USP6NL: variants seen among roughly 807,000 people sequenced by gnomAD.
USP6NL encodes the protein USP6 N-terminal-like protein.
USP6NL carries 26 observed loss-of-function variants against 61.9 expected under a neutral mutation model. The ratio of observed to expected loss-of-function variants is 0.42; its 90% CI spans 0.31 to 0.58. USP6NL has a LOEUF of 0.58. Among genes scored for constraint, USP6NL ranks in the 20% least tolerant of loss-of-function variants. USP6NL has a pLI of 0.16. For missense variants in USP6NL, 1,114 were observed against 1,034.3 expected (o/e 1.08, Z -1.06); for synonymous variants, 432 against 390.1 (o/e 1.11, Z -1.27).
rs1225989945 is a variant in USP6NL, at chr10:11,478,994, T to C, written c.1078+2776A>G. Among the ~76,000 whole-genome samples, 1 of 151,774 alleles carries C rather than the reference T, an allele frequency of 6.6e-6. No individual in the cohort carries two copies. The highest frequency in any genetic ancestry group is 6.6e-5 in the Admixed American group (1 of 15,224). On this transcript the variant is annotated intron_variant, in intron 14 of 14. Transcript: ENST00000609104. The surrounding 1 kb of genome is among the most constrained non-coding windows in gnomAD (Gnocchi z 6.8). The stretch of plus-strand genomic sequence containing the variant: ...ATGTAATAAATGCCACTAATCCACA[T>C]GACTAATGGTTTGGAAAATAAGCAG...
At chr10:11,545,272 T>C (rs1332909661) in intron 2 of USP6NL, among the ~76,000 whole-genome samples, 1 of 151,900 alleles carries the variant, frequency 6.6e-6, no homozygotes, top group Non-Finnish European at 1.5e-5. Context: ...GCCAGGAGGA[T>C]TTGGGGTAAG....
chr10:11,526,868 T>C lies in USP6NL; in HGVS notation c.72+632A>G, dbSNP rs544562865. On this transcript the variant is annotated intron_variant, in intron 3 of 14. Transcript: ENST00000609104. ...AACAGATTCCATACCAACATAAGGA[T>C]AAAACGTTAATGGAAATTATACACA... Among the ~76,000 whole-genome samples, 83 of 152,262 alleles carry C rather than the reference T, an allele frequency of 5.5e-4. 1 individual carries two copies. In the South Asian group the frequency reaches 0.016, roughly 29 times the overall value.
chr10:11,520,861 A>G lies in USP6NL; in HGVS notation c.156-2287T>C, dbSNP rs1419753530. On this transcript the variant is annotated intron_variant, in intron 4 of 14. Transcript: ENST00000609104. The surrounding 1 kb of genome is among the most constrained non-coding windows in gnomAD (Gnocchi z 5.2). ...AAAGATCCTTCATATCTGGCTCTTT[A>G]GAGAAAATGTTTGCCAAACCCTGCT... 6.6e-6 allele frequency among the ~76,000 whole-genome samples: 1 copy of G among 152,208 alleles called. No individual in the cohort carries two copies. The highest frequency in any genetic ancestry group is 6.5e-5 in the Admixed American group (1 of 15,272).
chr10:11,597,736 G>A lies in USP6NL; in HGVS notation c.-83-19C>T. ...ACATGTCCTAGTCAGGAAACAAAGA[G>A]AAAGAAATAGTATTTTCTAGAGGTC... On this transcript the variant is annotated intron_variant, in intron 1 of 14. Transcript: ENST00000609104. This position sits in a 1 kb window ranked among gnomAD's most constrained non-coding sequence, Gnocchi z 4.6. The A allele has an allele frequency of 1.1e-6, 1 of 870,154 alleles. No individual in the cohort carries two copies. The highest frequency in any genetic ancestry group is 2.7e-5 in the East Asian group (1 of 36,822). 53.9% of individuals were successfully genotyped at this position (870,154 alleles called of 1,614,324 possible).
Position 11,553,052 on chromosome 10 carries a change from A to G in USP6NL, c.5-25485T>C, listed in dbSNP as rs150963929. On this transcript the variant is annotated intron_variant, in intron 2 of 14. Coordinates refer to ENST00000609104, the MANE Select transcript of USP6NL (RefSeq NM_014688.5). This position sits in a 1 kb window ranked among gnomAD's most constrained non-coding sequence, Gnocchi z 4.8. ...TGTACCCATTGTTTCGCTCCTACTT[A>G]TAAGTGAGAACACTGGCATCATTTT... is the stretch of plus-strand genomic sequence containing the variant. Among the ~76,000 whole-genome samples the G allele has an allele frequency of 1.4e-3, 210 of 152,270 alleles. No individual in the cohort carries two copies. The highest frequency in any genetic ancestry group is 2.3e-3 in the Non-Finnish European group (159 of 68,022).
rs192980926 is a variant in USP6NL at position 11,575,654 on chromosome 10, G to C, written c.4+21977C>G. On this transcript the variant is annotated intron_variant, in intron 2 of 14. Coordinates refer to ENST00000609104, the MANE Select transcript of USP6NL (RefSeq NM_014688.5). This position sits in a 1 kb window ranked among gnomAD's most constrained non-coding sequence, Gnocchi z 4.2. Reference sequence around the variant, plus strand: ...ACATAGCAATCACTTTGAACACATTGGTTCACTACTGTCAATGCTTAGCTT... The same window carrying C: ...ACATAGCAATCACTTTGAACACATTCGTTCACTACTGTCAATGCTTAGCTT... Among the ~76,000 whole-genome samples the C allele has an allele frequency of 7.9e-5, 12 of 152,244 alleles. No individual in the cohort carries two copies. Among genetic ancestry groups the C allele is most frequent in the African/African-American group, 2.9e-4 (12 of 41,548 alleles).
chr10:11,521,185 A>G (rs11257148), intron 4 of USP6NL, among the ~76,000 whole-genome samples: 17,168 of 151,860 alleles, frequency 0.11, 1,281 homozygotes, highest in East Asian at 0.16. Context: ...TAAGTTGACT[A>G]TATTGACTAA....
At chr10:11,515,661 A>G (rs1212051533) in intron 5 of USP6NL, among the ~76,000 whole-genome samples, 2 of 152,216 alleles carry the variant, frequency 1.3e-5, no homozygotes, top group African/African-American at 4.8e-5. Context: ...GGTAACCGGA[A>G]GTATTCTGTG....
At chr10:11,607,070 T>A (rs1838729869) in intron 1 of USP6NL, among the ~76,000 whole-genome samples, 1 of 152,116 alleles carries the variant, frequency 6.6e-6, no homozygotes, top group African/African-American at 2.4e-5. Flanking sequence ...CTTATAGGAG[T>A]GAGCTATCAC....
intron 2 of USP6NL, among the ~76,000 whole-genome samples, chr10:11,543,327 G>C (rs905606602): frequency 1.3e-5 from 2 of 152,176 alleles, no homozygotes; most frequent in Admixed American, 1.3e-4. Flanking sequence ...GGATCACAAG[G>C]TCAGGAGATC....
intron 2 of USP6NL, among the ~76,000 whole-genome samples, chr10:11,582,560 A>G (rs1403984313): frequency 6.6e-6 from 1 of 152,208 alleles, no homozygotes; most frequent in African/African-American, 2.4e-5. Context: ...GAGCCACAGA[A>G]TATGTGTTTA....
chr10:11,582,896 A>G (rs1837831478), intron 2 of USP6NL, among the ~76,000 whole-genome samples: 1 of 150,604 alleles, frequency 6.6e-6, no homozygotes, highest in Admixed American at 6.6e-5. Context: ...TCTAAAGGCA[A>G]TAAAATCCTG....
rs1027170665 is a variant in USP6NL at position 11,499,741 on chromosome 10, G to A, written c.384+1360C>T. Among the ~76,000 whole-genome samples, 3 of 152,238 alleles carry A rather than the reference G, an allele frequency of 2.0e-5. No homozygotes were observed. The highest frequency in any genetic ancestry group is 7.2e-5 in the African/African-American group (3 of 41,460). ...GGAAGATGCCTCCCTAGAGCCCTGA[G>A]AGAAAGTGTTGTCCTGCTGACACCT... On this transcript the variant is annotated intron_variant, in intron 7 of 14. Coordinates refer to ENST00000609104, the MANE Select transcript of USP6NL (RefSeq NM_014688.5). This position sits in a 1 kb window ranked among gnomAD's most constrained non-coding sequence, Gnocchi z 4.5.
chr10:11,516,636 G>A (rs1834969173), intron 5 of USP6NL, among the ~76,000 whole-genome samples: 1 of 152,084 alleles, frequency 6.6e-6, no homozygotes, highest in South Asian at 2.1e-4. Flanking sequence ...CGTAAAAAAG[G>A]CCTTAGGGAA....
At chr10:11,486,898 G>A (rs543982954) in intron 10 of USP6NL, among the ~76,000 whole-genome samples, 1 of 152,018 alleles carries the variant, frequency 6.6e-6, no homozygotes, top group Non-Finnish European at 1.5e-5. Flanking sequence ...AAAAACCTGA[G>A]GCACATGCTA....
At chr10:11,483,618 GGGGA>G (rs1566124394) in intron 13 of USP6NL, among the ~76,000 whole-genome samples, 3 of 19,478 alleles carry the variant, frequency 1.5e-4, no homozygotes, top group African/African-American at 2.3e-4. Flanking sequence ...GGGGAGAGGG[GGGGA>G]GAAGGGGAGG....
At chr10:11,552,110 G>A (rs543611961) in intron 2 of USP6NL, among the ~76,000 whole-genome samples, 3 of 152,166 alleles carry the variant, frequency 2.0e-5, no homozygotes, top group Non-Finnish European at 4.4e-5. Flanking sequence ...ACTAAACATT[G>A]AAGTGACAGC....
chr10:11,485,543 A>C lies in USP6NL; in HGVS notation c.759+274T>G, dbSNP rs1833427523. On this transcript the variant is annotated intron_variant, in intron 11 of 14. Coordinates refer to ENST00000609104, the MANE Select transcript of USP6NL (RefSeq NM_014688.5). This position sits in a 1 kb window ranked among gnomAD's most constrained non-coding sequence, Gnocchi z 4.8. The stretch of plus-strand genomic sequence containing the variant: ...TTTTGTACAATGAAAAAACCTCCAA[A>C]ACAACTGGGAGATCCCATATCTTTA... 6.6e-6 allele frequency among the ~76,000 whole-genome samples: 1 copy of C among 152,178 alleles called. No homozygotes were observed. Among genetic ancestry groups the C allele is most frequent in the South Asian group, 2.1e-4 (1 of 4,828 alleles).
rs2133148997 is a variant in USP6NL, at chr10:11,465,320, GA to G, written c.1079-1472del. The stretch of plus-strand genomic sequence containing the variant: ...TCAGGTTAGCAAGAAGAAACCTGAT[GA>G]AAAACATAACCATTAAAGAAAAGGA... On this transcript the variant is annotated intron_variant, in intron 14 of 14. Transcript: ENST00000609104. This position sits in a 1 kb window ranked among gnomAD's most constrained non-coding sequence, Gnocchi z 4.5. Among the ~76,000 whole-genome samples, 1 of 152,252 alleles carries G rather than the reference GA, an allele frequency of 6.6e-6. No homozygotes were observed. The highest frequency in any genetic ancestry group is 2.1e-4 in the South Asian group (1 of 4,822).
Sources: gnomAD v4.1 joint callset for allele counts (sites outside exome capture counted in the v4.1 genomes callset) on GRCh38, gnomAD v4.1.1 for gene constraint, Gnocchi (gnomAD v3.1) non-coding constraint, MANE v1.5 for transcripts, NCBI Gene and HGNC (gene_info 2026-07-23, HGNC 2026-07-21) for gene names.